MTAP: variants seen among roughly 807,000 people sequenced by gnomAD.
MTAP encodes the protein S-methyl-5'-thioadenosine phosphorylase.
A neutral mutation model predicts 33.6 loss-of-function variants in MTAP; 33 were observed. That is an observed-to-expected ratio of 0.98 (90% CI 0.74 to 1.31). The LOEUF (loss-of-function observed/expected upper bound fraction) is 1.31, where lower values mean the gene tolerates loss of function less well. Ranked by LOEUF, MTAP falls within the 40% of genes most tolerant of loss-of-function variation. The probability of loss-of-function intolerance (pLI) is 0.00; values close to 1 mark genes in which losing one functional copy is unlikely to be tolerated. For missense variants in MTAP, 367 were observed against 360.0 expected (o/e 1.02, Z -0.16); for synonymous variants, 148 against 125.7 (o/e 1.18, Z -1.19).
At chr9:21,806,155 A>C (rs1414746805) in intron 1 of MTAP, among the ~76,000 whole-genome samples, 4 of 152,142 alleles carry the variant, frequency 2.6e-5, no homozygotes, top group African/African-American at 9.7e-5. Context: ...TTGTATACAG[A>C]ATAGCCTGTG....
chr9:21,914,891 A>T (rs1192920381), intron 1 of MTAP, among the ~76,000 whole-genome samples: 2 of 151,862 alleles, frequency 1.3e-5, no homozygotes, highest in East Asian at 3.9e-4. Flanking sequence ...TGGACATTTT[A>T]TATGAAAAGA....
At chr9:21,851,797 T>G (rs1308975939) in intron 5 of MTAP, among the ~76,000 whole-genome samples, 2 of 152,124 alleles carry the variant, frequency 1.3e-5, no homozygotes, top group African/African-American at 4.8e-5. Context: ...ATGGCTAGGA[T>G]ATAAGCAGGC....
chr9:21,919,643 A>G (rs1486728314), intron 1 of MTAP, among the ~76,000 whole-genome samples: 1 of 152,198 alleles, frequency 6.6e-6, no homozygotes, highest in Non-Finnish European at 1.5e-5. Flanking sequence ...TGACTATGTG[A>G]CCATAAGCAT....
At chr9:21,844,777 G>A in intron 5 of MTAP, among the ~76,000 whole-genome samples, 1 of 152,182 alleles carries the variant, frequency 6.6e-6, no homozygotes, top group East Asian at 1.9e-4. Context: ...GCTCACACCT[G>A]TAATCCCAGC....
intron 5 of MTAP, among the ~76,000 whole-genome samples, chr9:21,848,408 A>G (rs1825432655): frequency 8.2e-6 from 1 of 121,220 alleles, no homozygotes; most frequent in African/African-American, 2.8e-5. Flanking sequence ...ATGGAGTTGG[A>G]TCAGGCTGAA....
At chr9:21,900,017 A>G (rs897751288) in intron 1 of MTAP, among the ~76,000 whole-genome samples, 2 of 152,228 alleles carry the variant, frequency 1.3e-5, no homozygotes, top group Admixed American at 6.5e-5. Flanking sequence ...TATACCATAT[A>G]CAAAAATCAA....
At chr9:21,904,303 G>A (rs1818440054) in intron 1 of MTAP, among the ~76,000 whole-genome samples, 1 of 152,198 alleles carries the variant, frequency 6.6e-6, no homozygotes, top group South Asian at 2.1e-4. Context: ...GCAGGCCAGG[G>A]TGGTCTTGGG....
At chr9:21,828,748 G>T (rs1480773610) in intron 4 of MTAP, among the ~76,000 whole-genome samples, 1 of 152,120 alleles carries the variant, frequency 6.6e-6, no homozygotes, top group East Asian at 1.9e-4. Context: ...TTACTTATTT[G>T]GGGTGATAAC....
downstream of MTAP, among the ~76,000 whole-genome samples, chr9:21,870,210 C>T (rs1165082680): frequency 3.9e-5 from 6 of 152,230 alleles, no homozygotes; most frequent in Non-Finnish European, 8.8e-5. Context: ...GCCCAAAGTA[C>T]TCCTAAGGAC....
intron 4 of MTAP, among the ~76,000 whole-genome samples, chr9:21,819,744 C>T (rs202015769): frequency 4.6e-5 from 7 of 152,266 alleles, no homozygotes; most frequent in African/African-American, 1.7e-4. Flanking sequence ...TGAACTAGTT[C>T]ACCTTCCCAC....
chr9:21,848,310 G>A (rs1044102242), intron 5 of MTAP, among the ~76,000 whole-genome samples: 4 of 152,094 alleles, frequency 2.6e-5, no homozygotes, highest in Admixed American at 6.6e-5. Context: ...AAAAAGAACC[G>A]CTTGAGTTTT....
At chr9:21,814,788 T>G (rs1824436585) in intron 1 of MTAP, among the ~76,000 whole-genome samples, 1 of 152,256 alleles carries the variant, frequency 6.6e-6, no homozygotes, top group South Asian at 2.1e-4. Context: ...GCTATATGTA[T>G]ATTTACAACA....
chr9:21,802,813 G>A, intron 1 of MTAP, 32 bp downstream of exon 1: 1 of 1,611,644 alleles, frequency 6.2e-7, no homozygotes, highest in Non-Finnish European at 8.5e-7. Context: ...GCAGCGGTTC[G>A]CCCTGCCGGA....
chr9:21,896,927 A>C (rs1448733675), intron 1 of MTAP, among the ~76,000 whole-genome samples: 1 of 152,102 alleles, frequency 6.6e-6, no homozygotes, highest in East Asian at 1.9e-4. Context: ...GAGACACAAC[A>C]AAAAAAGAAT....
At chr9:21,914,143 G>C (rs1818634858) in intron 1 of MTAP, among the ~76,000 whole-genome samples, 1 of 152,212 alleles carries the variant, frequency 6.6e-6, no homozygotes, top group Non-Finnish European at 1.5e-5. Flanking sequence ...AGGTGCTGGA[G>C]AGGATGTGGA....
In MTAP at chr9:21,922,668, A is replaced by T. The variant is rs1226141953; in HGVS notation, c.148-8340A>T. Among the ~76,000 whole-genome samples, 2 of 152,128 alleles carry T rather than the reference A, an allele frequency of 1.3e-5. No homozygotes were observed. The highest frequency in any genetic ancestry group is 2.9e-5 in the Non-Finnish European group (2 of 68,018). On this transcript the variant is annotated intron_variant, in intron 1 of 1. Coordinates refer to the MTAP transcript ENST00000577563. The surrounding 1 kb of genome is among the most constrained non-coding windows in gnomAD (Gnocchi z 4.8). ...ATGCCTCTCCTTCTTTGGCTGGAGA[A>T]GAAGGAGATCTGTACACAGTTTTCT... is the stretch of plus-strand genomic sequence containing the variant.
intron 1 of MTAP, chr9:21,813,827 A>T (rs573154765): frequency 6.6e-6 from 1 of 152,248 alleles, no homozygotes; most frequent in African/African-American, 2.4e-5. Flanking sequence ...TCAGAGGTCC[A>T]CGGAATGAAG....
chr9:21,839,228 A>G (rs542226677), intron 5 of MTAP, among the ~76,000 whole-genome samples: 2 of 150,160 alleles, frequency 1.3e-5, no homozygotes, highest in African/African-American at 4.9e-5. Flanking sequence ...TATGTATAGC[A>G]TGTTTCTGGA....
rs1412078444 is a variant in MTAP, at chr9:21,866,230, ATTGTT to A, written c.*4224_*4228del. 6.6e-6 allele frequency: 1 copy of A among 152,052 alleles called. No individual in the cohort carries two copies. Among genetic ancestry groups the A allele is most frequent in the Admixed American group, 6.6e-5 (1 of 15,262 alleles). 9.4% of individuals were successfully genotyped at this position (152,052 alleles called of 1,614,324 possible). A position where few individuals can be genotyped will look rare whatever the true frequency, so the allele number is the denominator to read the frequency against. On this transcript the variant is annotated 3_prime_UTR_variant, in exon 8 of 8. Transcript: ENST00000644715. ...ATATTTTTGTTTATTAAAAAATTAG[ATTGTT>A]TTGTTTTATTATTGAATAGTAAGAA...
Sources: gnomAD v4.1 joint callset for allele counts (sites outside exome capture counted in the v4.1 genomes callset) on GRCh38, gnomAD v4.1.1 for gene constraint, Gnocchi (gnomAD v3.1) non-coding constraint, MANE v1.5 for transcripts, NCBI Gene and HGNC (gene_info 2026-07-23, HGNC 2026-07-21) for gene names.